The following ALDH1A1 variants were observed in gnomAD, a reference collection of about 807,000 sequenced individuals.
ALDH1A1 encodes aldehyde dehydrogenase 1 family member A1, also known as aldehyde dehydrogenase 1A1.
Under a neutral mutation model 62.1 loss-of-function variants are expected in ALDH1A1, and 19 were observed. That is an observed-to-expected ratio of 0.31 (90% CI 0.21 to 0.45). ALDH1A1 has a LOEUF of 0.45. Ranked by LOEUF, ALDH1A1 falls within the 20% of genes least tolerant of loss-of-function variation. The pLI is 1.00. For missense variants in ALDH1A1, 521 were observed against 607.1 expected (o/e 0.86, Z 1.49); for synonymous variants, 231 against 215.9 (o/e 1.07, Z -0.61).
intron 7 of ALDH1A1, among the ~76,000 whole-genome samples, chr9:72,920,733 T>A (rs1158345934): frequency 6.6e-6 from 1 of 152,220 alleles, no homozygotes; most frequent in Non-Finnish European, 1.5e-5. Context: ...AGACATTAAT[T>A]TTTGTCTCAT....
At chr9:72,920,988 C>A (rs917176581) in intron 7 of ALDH1A1, among the ~76,000 whole-genome samples, 10 of 152,198 alleles carry the variant, frequency 6.6e-5, no homozygotes, top group Admixed American at 2.0e-4. Context: ...TGGCTCACGC[C>A]TGTAATCCCA....
At chr9:72,925,461 T>C (rs1830192996) in intron 6 of ALDH1A1, 23 bp downstream of exon 6, 4 of 1,610,978 alleles carry the variant, frequency 2.5e-6, no homozygotes, top group African/African-American at 1.3e-5. Context: ...TTCTTGAGCA[T>C]ATTTTGATTT....
intron 1 of ALDH1A1, 112 bp downstream of exon 1, chr9:72,952,823 T>G: frequency 8.1e-7 from 1 of 1,239,066 alleles, no homozygotes; most frequent in Admixed American, 2.5e-5. Context: ...CTTTTATTTT[T>G]ATATTTGCAA....
chr9:72,936,939 G>T (rs919823268), intron 2 of ALDH1A1, among the ~76,000 whole-genome samples: 1 of 152,056 alleles, frequency 6.6e-6, no homozygotes, highest in Non-Finnish European at 1.5e-5. Context: ...CATTACCAAA[G>T]AATTGATAAA....
At chr9:72,911,709 G>T (rs1250079461) in intron 10 of ALDH1A1, among the ~76,000 whole-genome samples, 1 of 152,176 alleles carries the variant, frequency 6.6e-6, no homozygotes, top group African/African-American at 2.4e-5. Context: ...AGCTGTGAAG[G>T]CAGCACCTGA....
Position 72,924,037 on chromosome 9 carries a change from G to C in ALDH1A1, c.729C>G (p.Ala243=). ...ISSHMDIDKV[A]FTGSTEVGKL... ...ATATTACCTCTGTTGATCCTGTGAA[G>C]GCTACTTTGTCTATATCCATGTGAG... The change falls in exon 7 of 13, where the codon GCC becomes GCG. Residue 243 remains alanine (A), a synonymous_variant. Coordinates refer to ENST00000297785, the MANE Select transcript of ALDH1A1 (RefSeq NM_000689.5). 1 of 1,606,604 alleles carries C rather than the reference G, an allele frequency of 6.2e-7. No individual in the cohort carries two copies. Among genetic ancestry groups the C allele is most frequent in the Non-Finnish European group, 8.5e-7 (1 of 1,176,920 alleles).
At chr9:72,947,543 GT>G (rs1202776868) in intron 1 of ALDH1A1, among the ~76,000 whole-genome samples, 1 of 151,968 alleles carries the variant, frequency 6.6e-6, no homozygotes, top group African/African-American at 2.4e-5. Flanking sequence ...TGTGAAAACA[GT>G]TGTTAGAGCT....
At chr9:72,913,057 G>A (rs1830011610) in intron 9 of ALDH1A1, among the ~76,000 whole-genome samples, 2 of 152,244 alleles carry the variant, frequency 1.3e-5, no homozygotes, top group Middle Eastern at 3.4e-3. Context: ...GGGTTGGAGG[G>A]TGGAAGCTCT....
At chr9:72,948,330 T>C (rs1320388390) in intron 1 of ALDH1A1, among the ~76,000 whole-genome samples, 1 of 151,982 alleles carries the variant, frequency 6.6e-6, no homozygotes, top group Non-Finnish European at 1.5e-5. Context: ...AGCTTTGCGT[T>C]GAACATAAGT....
chr9:72,908,560 A>AAAGAAAGAAAGAAAGAAAAGAAAG (rs1829922786), intron 11 of ALDH1A1, among the ~76,000 whole-genome samples: 1 of 8,208 alleles, frequency 1.2e-4, no homozygotes, highest in Non-Finnish European at 3.2e-4. Flanking sequence ...AAGAAGAAAG[A>AAAGAAAGAAAGAAAGAAAAGAAAG]AAGAAAGAAA....
At chr9:72,915,355 G>T (rs1830048473) in intron 9 of ALDH1A1, among the ~76,000 whole-genome samples, 2 of 152,016 alleles carry the variant, frequency 1.3e-5, no homozygotes, top group Non-Finnish European at 2.9e-5. Flanking sequence ...GGTATCTTAG[G>T]TATTCTCTCC....
At chr9:72,937,982 C>T (rs998742085) in intron 2 of ALDH1A1, among the ~76,000 whole-genome samples, 1 of 152,224 alleles carries the variant, frequency 6.6e-6, no homozygotes, top group East Asian at 1.9e-4. Context: ...TTGTTTTCAT[C>T]ATACTGAAAT....
At chr9:72,945,939 G>C (rs1453407953) in intron 1 of ALDH1A1, among the ~76,000 whole-genome samples, 1 of 151,984 alleles carries the variant, frequency 6.6e-6, no homozygotes, top group Admixed American at 6.6e-5. Context: ...TGTTTTAAAT[G>C]ATAGTCTGAC....
intron 11 of ALDH1A1, 105 bp downstream of exon 11, chr9:72,909,497 G>A: frequency 8.7e-7 from 1 of 1,152,226 alleles, no homozygotes; most frequent in Non-Finnish European, 1.2e-6. Context: ...TTTTCTAGAA[G>A]GATAGGTAAT....
At chr9:72,936,191 C>G (rs1461039594) in intron 2 of ALDH1A1, among the ~76,000 whole-genome samples, 1 of 152,152 alleles carries the variant, frequency 6.6e-6, no homozygotes, top group Non-Finnish European at 1.5e-5. Context: ...CAGTGGCAAA[C>G]ATTTCTAAGT....
At chr9:72,901,444 A>G (rs1050412071) in intron 12 of ALDH1A1, among the ~76,000 whole-genome samples, 164 bp from the exon 13 acceptor site, 1 of 152,092 alleles carries the variant, frequency 6.6e-6, no homozygotes, top group Middle Eastern at 3.2e-3. Flanking sequence ...CAATCATAAG[A>G]TTTCTGGTCT....
In ALDH1A1 at chr9:72,942,384, C is replaced by T. The variant is rs1830424879; in HGVS notation, c.67-2132G>A. ...TTGCTCATGCACACTGTCCCCCAGC[C>T]CTATCTCTCACACACTTTCCTTCTT... is the stretch of plus-strand genomic sequence containing the variant. On this transcript the variant is annotated intron_variant, in intron 1 of 12. Coordinates refer to ENST00000297785, the MANE Select transcript of ALDH1A1 (RefSeq NM_000689.5). 1.0e-5 allele frequency: 10 copies of T among 984,984 alleles called. No homozygotes were observed. In the South Asian group the frequency reaches 4.2e-4, roughly 42 times the overall value. 61.0% of individuals were successfully genotyped at this position (984,984 alleles called of 1,614,324 possible).
intron 8 of ALDH1A1, among the ~76,000 whole-genome samples, chr9:72,918,187 G>A (rs979415103): frequency 6.6e-6 from 1 of 152,140 alleles, no homozygotes; most frequent in African/African-American, 2.4e-5. Flanking sequence ...ATTATATAGT[G>A]GGGTTATATC....
intron 11 of ALDH1A1, among the ~76,000 whole-genome samples, chr9:72,906,336 G>T (rs867559090): frequency 1.3e-5 from 2 of 152,174 alleles, no homozygotes; most frequent in African/African-American, 2.4e-5. Context: ...GCTGTAGGGG[G>T]AAAGATATGG....
Sources: gnomAD v4.1 joint callset for allele counts (sites outside exome capture counted in the v4.1 genomes callset) on GRCh38, gnomAD v4.1.1 for gene constraint, MANE v1.5 for transcripts, NCBI Gene and HGNC (gene_info 2026-07-23, HGNC 2026-07-21) for gene names.